C1orf87: variants seen among roughly 807,000 people sequenced by gnomAD.
C1orf87 encodes the protein uncharacterized protein C1orf87.
A neutral mutation model predicts 60.5 loss-of-function variants in C1orf87; 58 were observed. The observed-to-expected ratio is 0.96, with a 90% CI of 0.78 to 1.19. The LOEUF (loss-of-function observed/expected upper bound fraction) is 1.19, where lower values mean the gene tolerates loss of function less well. C1orf87 is among the 50% of genes most tolerant of loss of function. The pLI is 0.00. For missense variants in C1orf87, 673 were observed against 638.6 expected (o/e 1.05, Z -0.58); for synonymous variants, 236 against 227.4 (o/e 1.04, Z -0.34).
At chr1:59,992,429 T>C (rs1281504472) in intron 11 of C1orf87, among the ~76,000 whole-genome samples, 1 of 151,938 alleles carries the variant, frequency 6.6e-6, no homozygotes, top group Non-Finnish European at 1.5e-5. Context: ...CTAATATTTT[T>C]ATTTTTTGTA....
intron 9 of C1orf87, 62 bp from the exon 10 acceptor site, chr1:60,001,218 C>T (rs1185664196): frequency 8.4e-6 from 10 of 1,185,500 alleles, no homozygotes; most frequent in Non-Finnish European, 1.1e-5. Flanking sequence ...TTAACACACA[C>T]ATATACACAA....
intron 3 of C1orf87, 41 bp from the exon 4 acceptor site, chr1:60,041,172 G>T: frequency 6.9e-7 from 1 of 1,452,598 alleles, no homozygotes; most frequent in Non-Finnish European, 9.2e-7. Flanking sequence ...GAGCAGAAGA[G>T]GAGGTAGGGA....
chr1:60,040,177 T>C lies in C1orf87; in HGVS notation c.487A>G (p.Ile163Val). The C allele has an allele frequency of 6.2e-7, 1 of 1,611,502 alleles. No individual in the cohort carries two copies. ...VRGSSDQPED[I>V]GQSPSGTTNE... ...GTTGTCCCACTTGGGCTCTGGCCAA[T>C]ATCCTAACACAACAATGAAAAACAA... Residue 163 changes from isoleucine (I) to valine (V), a missense_variant, in exon 5 of 12, where the codon ATT becomes GTT. Ile to Val is a conservative substitution (Grantham distance 29). Transcript: ENST00000371201.
chr1:60,021,573 A>C (rs367625689), intron 8 of C1orf87, among the ~76,000 whole-genome samples: 1 of 152,300 alleles, frequency 6.6e-6, no homozygotes, highest in East Asian at 1.9e-4. Flanking sequence ...AAGTCAATGT[A>C]TCCCCAACCC....
chr1:60,037,947 T>G, intron 6 of C1orf87, 45 bp downstream of exon 6: 1 of 1,342,428 alleles, frequency 7.4e-7, no homozygotes, highest in Non-Finnish European at 1.1e-6. Flanking sequence ...CCACACAGAC[T>G]AAGACACCTA....
In C1orf87 at chr1:60,048,787, T is replaced by G. The variant is rs564841344; in HGVS notation, c.342+6417A>C. ...GGGATATGTACATAATAGATATATATATAGATAGATACCTGGTAGAATAAT... is the reference window on the plus strand; with the variant it reads ...GGGATATGTACATAATAGATATATAGATAGATAGATACCTGGTAGAATAAT... On this transcript the variant is annotated intron_variant, in intron 3 of 11. Coordinates refer to ENST00000371201, the MANE Select transcript of C1orf87 (RefSeq NM_152377.3). Among the ~76,000 whole-genome samples, 9 of 152,102 alleles carry G rather than the reference T, an allele frequency of 5.9e-5. No homozygotes were observed. In the South Asian group the frequency reaches 1.7e-3, roughly 28 times the overall value.
chr1:60,040,931 G>A (rs1446333153), intron 4 of C1orf87, 60 bp downstream of exon 4: 2 of 1,490,634 alleles, frequency 1.3e-6, no homozygotes, highest in Non-Finnish European at 1.8e-6. Context: ...TCAAGAAATT[G>A]AGTCAACAAC....
At chr1:60,018,149 G>A (rs142073485) in intron 8 of C1orf87, among the ~76,000 whole-genome samples, 8 of 152,260 alleles carry the variant, frequency 5.3e-5, no homozygotes, top group South Asian at 4.1e-4. Context: ...ATAATGATTC[G>A]TGCATTCAGC....
chr1:60,036,888 G>A (rs1421048521), intron 6 of C1orf87, among the ~76,000 whole-genome samples: 1 of 152,044 alleles, frequency 6.6e-6, no homozygotes, highest in East Asian at 1.9e-4. Context: ...TAGTGCCTGC[G>A]ACTCAGGAGC....
rs373543921 is a variant in C1orf87, at chr1:60,053,415, C to T, written c.342+1789G>A. Among the ~76,000 whole-genome samples the T allele has an allele frequency of 4.6e-5, 7 of 152,206 alleles. No homozygotes were observed. The East Asian group carries it at 9.7e-4, about 21-fold the overall frequency. ...AAGATAATAGGAGTTCCTACCTCGC[C>T]GGGTGCTTGGGAATAGTAAATTAGT... On this transcript the variant is annotated intron_variant, in intron 3 of 11. Coordinates refer to ENST00000371201, the MANE Select transcript of C1orf87 (RefSeq NM_152377.3).
At chr1:60,028,860 A>G (rs977434279) in intron 7 of C1orf87, among the ~76,000 whole-genome samples, 3 of 149,250 alleles carry the variant, frequency 2.0e-5, no homozygotes, top group African/African-American at 5.0e-5. Flanking sequence ...TTCCACTCCC[A>G]TGTCTCCTTT....
At chr1:60,063,428 A>G (rs1430802957) in intron 2 of C1orf87, among the ~76,000 whole-genome samples, 1 of 152,186 alleles carries the variant, frequency 6.6e-6, no homozygotes, top group Non-Finnish European at 1.5e-5. Context: ...CTTAACAGAC[A>G]GAAGCAGCCT....
At chr1:60,050,692 C>G (rs938510814) in intron 3 of C1orf87, among the ~76,000 whole-genome samples, 3 of 151,988 alleles carry the variant, frequency 2.0e-5, no homozygotes, top group African/African-American at 7.3e-5. Flanking sequence ...CCAGCGGAGA[C>G]AGTGGGCACT....
intron 6 of C1orf87, among the ~76,000 whole-genome samples, chr1:60,033,871 G>A (rs1038930364): frequency 2.0e-5 from 3 of 152,084 alleles, no homozygotes; most frequent in Non-Finnish European, 4.4e-5. Context: ...TTTTCCAAGA[G>A]GCACCAACCA....
intron 7 of C1orf87, among the ~76,000 whole-genome samples, chr1:60,033,165 T>C (rs892273341): frequency 7.9e-5 from 12 of 152,306 alleles, no homozygotes; most frequent in African/African-American, 2.9e-4. Flanking sequence ...GGAAAGAGTG[T>C]GAGAAATAAA....
At chr1:60,051,957 A>C (rs1344448551) in intron 3 of C1orf87, among the ~76,000 whole-genome samples, 1 of 152,218 alleles carries the variant, frequency 6.6e-6, no homozygotes, top group Non-Finnish European at 1.5e-5. Context: ...CCAGAAGTAC[A>C]AGATCAAAGG....
chr1:60,008,316 GAAATA>G (rs764403724), intron 9 of C1orf87, among the ~76,000 whole-genome samples: 1 of 152,052 alleles, frequency 6.6e-6, no homozygotes, highest in African/African-American at 2.4e-5. Context: ...GAGTCAGAGA[GAAATA>G]AAATAAGTGT....
chr1:60,014,954 AT>A (rs1178556025), intron 8 of C1orf87, among the ~76,000 whole-genome samples: 7 of 152,206 alleles, frequency 4.6e-5, no homozygotes, highest in Admixed American at 4.6e-4. Context: ...AAGTCCCATG[AT>A]TTGAAGAATT....
chr1:60,021,603 T>C (rs769103224), intron 8 of C1orf87, among the ~76,000 whole-genome samples: 5 of 152,150 alleles, frequency 3.3e-5, no homozygotes, highest in Non-Finnish European at 7.4e-5. Context: ...TTCAAGTCAA[T>C]AAATATTTAT....
Sources: gnomAD v4.1 joint callset for allele counts (sites outside exome capture counted in the v4.1 genomes callset) on GRCh38, gnomAD v4.1.1 for gene constraint, MANE v1.5 for transcripts, NCBI Gene and HGNC (gene_info 2026-07-23, HGNC 2026-07-21) for gene names.